Variants in NT5DC4 observed in about 807,000 individuals in gnomAD.
The protein encoded by NT5DC4 is 5'-nucleotidase domain containing 4, also known as 5'-nucleotidase domain-containing protein 4.
NT5DC4 carries 44 observed loss-of-function variants against 26.6 expected under a neutral mutation model. The ratio of observed to expected loss-of-function variants is 1.65; its 90% CI spans 1.30 to 2.13. NT5DC4 has a LOEUF of 2.13. Among genes scored for constraint, NT5DC4 ranks in the 30% most tolerant of loss-of-function variants. The pLI is 0.00. For synonymous variants in NT5DC4, 157 were observed against 86.7 expected, an observed-to-expected ratio of 1.81 and a Z score of -4.51; for missense variants, 399 against 228.1, an observed-to-expected ratio of 1.75 and a Z score of -4.83.
At chr2:112,739,170 A>AT, downstream of NT5DC4, 1 of 770,456 alleles carries the variant, frequency 1.3e-6, no homozygotes. Flanking sequence ...GATACAAGAG[A>AT]TATGTCTAGA....
intron 16 of NT5DC4, among the ~76,000 whole-genome samples, chr2:112,732,553 T>C (rs1044558933): frequency 1.3e-5 from 2 of 152,232 alleles, no homozygotes; most frequent in African/African-American, 4.8e-5. Flanking sequence ...AAGGATAGTA[T>C]TTATCAGAAA....
intron 16 of NT5DC4, chr2:112,738,545 C>T: frequency 2.7e-6 from 1 of 376,356 alleles, no homozygotes; most frequent in Non-Finnish European, 4.8e-6. Context: ...TAAAGTAGAT[C>T]AATAAAGTAT....
intron 16 of NT5DC4, among the ~76,000 whole-genome samples, chr2:112,733,476 T>G (rs1199321067): frequency 6.6e-6 from 1 of 152,220 alleles, no homozygotes; most frequent in Non-Finnish European, 1.5e-5. Context: ...GGCCCCTAAA[T>G]TCTGGACAGA....
upstream of NT5DC4, among the ~76,000 whole-genome samples, chr2:112,719,205 G>C (rs1676614877): frequency 6.6e-6 from 1 of 152,182 alleles, no homozygotes; most frequent in Non-Finnish European, 1.5e-5. Context: ...TTTGCATTAT[G>C]ATGGCGATGA....
chr2:112,723,550 C>T (rs771533107), intron 8 of NT5DC4, 82 bp downstream of exon 8: 6 of 703,352 alleles, frequency 8.5e-6, no homozygotes, highest in East Asian at 2.7e-5. Flanking sequence ...TGGCTTTCTT[C>T]GAGGTTTAGG....
intron 16 of NT5DC4, chr2:112,737,998 C>T (rs962003802): frequency 6.6e-6 from 1 of 152,154 alleles, no homozygotes; most frequent in Admixed American, 6.5e-5. Flanking sequence ...AACCTTTCCA[C>T]AAATAGTTGC....
Position 112,725,401 on chromosome 2 carries a change from C to G in NT5DC4, c.1002C>G (p.Cys334Trp), listed in dbSNP as rs936202874. The G allele has an allele frequency of 2.8e-6, 2 of 711,966 alleles. No individual in the cohort carries two copies. Among genetic ancestry groups the G allele is most frequent in the Non-Finnish European group, 5.2e-6 (2 of 381,002 alleles). 44.1% of individuals were successfully genotyped at this position (711,966 alleles called of 1,614,324 possible). The part of the protein sequence containing the change: ...VYSGGSSDMV[C>W]ELLGVRGMDI... Reference sequence around the variant, plus strand: ...GGGCAGGCTCTTCGGACATGGTGTGCGAGCTGCTTGGGGTTCGGGGGATGG... The same window carrying G: ...GGGCAGGCTCTTCGGACATGGTGTGGGAGCTGCTTGGGGTTCGGGGGATGG... Residue 334 changes from cysteine to tryptophan, a missense_variant, in exon 13 of 17, where the codon TGC (cysteine) becomes TGG (tryptophan). Coordinates refer to ENST00000688554, the MANE Select transcript of NT5DC4 (RefSeq NM_001393655.1).
downstream of NT5DC4, among the ~76,000 whole-genome samples, chr2:112,740,501 T>G (rs988582610): frequency 3.9e-5 from 6 of 152,250 alleles, no homozygotes; most frequent in Non-Finnish European, 7.3e-5. Context: ...GGGTATTCAC[T>G]GTCCCTTTTC....
intron 16 of NT5DC4, among the ~76,000 whole-genome samples, chr2:112,734,169 A>ATGTGTGTGTGTGTGTGTGTGTG (rs59851361): frequency 6.7e-5 from 9 of 134,786 alleles, no homozygotes; most frequent in African/African-American, 2.6e-4. Flanking sequence ...TATTATATAT[A>ATGTGTGTGTGTGTGTGTGTGTG]TGTGTGTGTG....
At chr2:112,726,908 C>T (rs1677817180) in intron 15 of NT5DC4, 170 bp downstream of exon 15, 3 of 642,524 alleles carry the variant, frequency 4.7e-6, no homozygotes, top group African/African-American at 1.8e-5. Flanking sequence ...CCTCTGCTGG[C>T]CGACATTCCA....
rs1238766365 is a variant in NT5DC4, at chr2:112,721,853, T to C, written c.110T>C (p.Ile37Thr). 1 of 717,328 alleles carries C rather than the reference T, an allele frequency of 1.4e-6. No homozygotes were observed. The highest frequency in any genetic ancestry group is 2.0e-5 in the Admixed American group (1 of 50,024). 44.4% of individuals were successfully genotyped at this position (717,328 alleles called of 1,614,324 possible). ...AACCGCAGCCTGGCGCTGGGGAAGA[T>C]TCGTTGCTTTGGCTTCGACATGGAC... is the stretch of plus-strand genomic sequence containing the variant. ...FVNRSLALGKIRCFGFDMDYT... is the reference protein window; with the variant it reads ...FVNRSLALGKTRCFGFDMDYT... The change falls in exon 2 of 17, where the codon ATT (isoleucine) becomes ACT (threonine). Residue 37 changes from isoleucine (I) to threonine (T), a missense_variant. Transcript: ENST00000688554.
intron 1 of NT5DC4, 106 bp from the exon 2 acceptor site, chr2:112,721,712 G>A: frequency 1.4e-6 from 1 of 715,246 alleles, no homozygotes; most frequent in Admixed American, 2.0e-5. Flanking sequence ...TGCAGCTGCA[G>A]GGGGTGCTCT....
At chr2:112,721,393 T>C (rs1676847354) in intron 1 of NT5DC4, 1 of 693,416 alleles carries the variant, frequency 1.4e-6, no homozygotes, top group South Asian at 1.6e-5. Context: ...TCTCTCCCCT[T>C]CACCACGGAC....
chr2:112,740,252 C>T (rs1679820344), downstream of NT5DC4, among the ~76,000 whole-genome samples: 1 of 152,066 alleles, frequency 6.6e-6, no homozygotes, highest in South Asian at 2.1e-4. Flanking sequence ...CTGTGCTTTC[C>T]AGGTAACTAA....
chr2:112,726,969 T>C (rs1677829129), intron 15 of NT5DC4: 1 of 573,022 alleles, frequency 1.7e-6, no homozygotes, highest in East Asian at 2.9e-5. Flanking sequence ...ATTTGCAGGC[T>C]TTGCCTCCAG....
chr2:112,729,780 T>A (rs544521065), intron 16 of NT5DC4, 76 bp downstream of exon 16: 5 of 715,012 alleles, frequency 7.0e-6, no homozygotes, highest in Non-Finnish European at 1.3e-5. Context: ...TGGGGTTGTA[T>A]CAACCCCAGG....
At chr2:112,726,189 G>A (rs1228802873) in intron 13 of NT5DC4, 49 bp from the exon 14 acceptor site, 1 of 716,738 alleles carries the variant, frequency 1.4e-6, no homozygotes, top group East Asian at 2.7e-5. Context: ...AGGGCCAGTG[G>A]GTGACACAGG....
upstream of NT5DC4, among the ~76,000 whole-genome samples, chr2:112,720,104 A>G (rs59430893): frequency 0.17 from 24,559 of 147,190 alleles, 2,713 homozygotes; most frequent in African/African-American, 0.31. Context: ...GGAGTGCAGC[A>G]ATCTCGGCTC....
downstream of NT5DC4, among the ~76,000 whole-genome samples, chr2:112,739,273 T>C (rs535955513): frequency 6.6e-6 from 1 of 152,172 alleles, no homozygotes; most frequent in Admixed American, 6.5e-5. Context: ...ATATAAAAAT[T>C]AGCTGGGCAT....
Sources: gnomAD v4.1 joint callset for allele counts (sites outside exome capture counted in the v4.1 genomes callset) on GRCh38, gnomAD v4.1.1 for gene constraint, MANE v1.5 for transcripts, NCBI Gene and HGNC (gene_info 2026-07-23, HGNC 2026-07-21) for gene names.